The following FAM53B variants were observed in gnomAD, a reference collection of about 807,000 sequenced individuals.
The protein encoded by FAM53B is protein FAM53B.
In FAM53B, 12 loss-of-function variants were observed where a neutral mutation model predicts 32.7. That is an observed-to-expected ratio of 0.37 (90% CI 0.24 to 0.59). The LOEUF (loss-of-function observed/expected upper bound fraction) is 0.59. Among genes scored for constraint, FAM53B ranks in the 20% least tolerant of loss-of-function variants. The pLI, the probability that FAM53B is intolerant of heterozygous loss-of-function variation, is 0.72. For missense variants in FAM53B, 477 were observed against 577.7 expected (o/e 0.83, Z 1.79); for synonymous variants, 234 against 228.7 (o/e 1.02, Z -0.21).
chr10:124,631,780 T>C (rs1188531786), intron 4 of FAM53B, among the ~76,000 whole-genome samples: 2 of 152,072 alleles, frequency 1.3e-5, no homozygotes, highest in African/African-American at 2.4e-5. Flanking sequence ...AGCACCATCC[T>C]GACGGCCCCG....
intron 4 of FAM53B, among the ~76,000 whole-genome samples, chr10:124,654,730 G>A (rs1949576591): frequency 6.6e-6 from 1 of 152,126 alleles, no homozygotes; most frequent in African/African-American, 2.4e-5. Flanking sequence ...TTGTGGGTAG[G>A]GCTGTAGGTG....
intron 2 of FAM53B, chr10:124,705,792 G>C (rs1273991449): frequency 6.6e-6 from 1 of 152,328 alleles, no homozygotes; most frequent in Non-Finnish European, 1.5e-5. Context: ...GGTTTCACTG[G>C]CATGAGCTAG....
intron 2 of FAM53B, among the ~76,000 whole-genome samples, chr10:124,699,927 C>T (rs892259394): frequency 6.6e-6 from 1 of 152,238 alleles, no homozygotes; most frequent in African/African-American, 2.4e-5. Flanking sequence ...TCCAGCCCTG[C>T]GAGCTCGCCC....
At chr10:124,726,458 C>T (rs1246852492) in intron 1 of FAM53B, among the ~76,000 whole-genome samples, 1 of 152,160 alleles carries the variant, frequency 6.6e-6, no homozygotes, top group Non-Finnish European at 1.5e-5. Context: ...TGCACAATGC[C>T]CTGACCAGTA....
chr10:124,700,871 G>T (rs770045231), intron 2 of FAM53B, among the ~76,000 whole-genome samples: 6 of 152,224 alleles, frequency 3.9e-5, no homozygotes, highest in Admixed American at 6.5e-5. Flanking sequence ...TGCCCTGCGG[G>T]GGAACGAGTG....
At chr10:124,709,810 T>G (rs1949988182) in intron 1 of FAM53B, among the ~76,000 whole-genome samples, 1 of 149,812 alleles carries the variant, frequency 6.7e-6, no homozygotes, top group Non-Finnish European at 1.5e-5. Flanking sequence ...TCCACTAGCC[T>G]GAGTGACAGA....
At chr10:124,683,041 T>C (rs892532129) in intron 3 of FAM53B, among the ~76,000 whole-genome samples, 2 of 152,254 alleles carry the variant, frequency 1.3e-5, no homozygotes, top group African/African-American at 4.8e-5. Context: ...ACTTTCTCTG[T>C]GTTCACTCGA....
At chr10:124,636,856 C>T (rs1589732797) in intron 4 of FAM53B, among the ~76,000 whole-genome samples, 2 of 151,914 alleles carry the variant, frequency 1.3e-5, no homozygotes, top group East Asian at 2.0e-4. Flanking sequence ...GCCCCGCTCC[C>T]ACTGGCCGTG....
intron 4 of FAM53B, among the ~76,000 whole-genome samples, chr10:124,661,894 C>G (rs1949633344): frequency 6.6e-6 from 1 of 152,232 alleles, no homozygotes; most frequent in African/African-American, 2.4e-5. Flanking sequence ...CCAGAGCAAG[C>G]TCCCTAGATG....
At chr10:124,635,144 G>A (rs1443416895) in intron 4 of FAM53B, among the ~76,000 whole-genome samples, 1 of 152,152 alleles carries the variant, frequency 6.6e-6, no homozygotes, top group African/African-American at 2.4e-5. Context: ...CCAGGCTGGA[G>A]TGCAGTGGCA....
At chr10:124,676,334 C>G (rs1280716269) in intron 4 of FAM53B, among the ~76,000 whole-genome samples, 2 of 152,210 alleles carry the variant, frequency 1.3e-5, no homozygotes, top group East Asian at 3.8e-4. Context: ...GCCGTCAGCA[C>G]AGCTTCCCAC....
chr10:124,641,854 T>C (rs905977528), intron 4 of FAM53B, among the ~76,000 whole-genome samples: 3 of 152,194 alleles, frequency 2.0e-5, no homozygotes, highest in East Asian at 1.9e-4. Flanking sequence ...TGCTGGGCAC[T>C]GCGAAAGGAA....
At chr10:124,639,722 C>G (rs1009088059) in intron 4 of FAM53B, among the ~76,000 whole-genome samples, 1 of 152,106 alleles carries the variant, frequency 6.6e-6, no homozygotes, top group African/African-American at 2.4e-5. Context: ...TGTTTAAATG[C>G]TTGGCAGAAT....
Position 124,631,244 on chromosome 10 carries a change from C to T in FAM53B, c.907-7640G>A, listed in dbSNP as rs569029424. 3.9e-5 allele frequency among the ~76,000 whole-genome samples: 6 copies of T among 152,312 alleles called. No individual in the cohort carries two copies. In the South Asian group the frequency reaches 6.2e-4, roughly 16 times the overall value. On this transcript the variant is annotated intron_variant, in intron 4 of 4. Transcript: ENST00000337318. Reference sequence around the variant, plus strand: ...CAGTGTAGCCTTGCCTACGGTAACTCGAGGCCTAGGACCCAGCTGGGGACA... The same window carrying T: ...CAGTGTAGCCTTGCCTACGGTAACTTGAGGCCTAGGACCCAGCTGGGGACA...
chr10:124,678,705 T>C (rs190830125), intron 4 of FAM53B, among the ~76,000 whole-genome samples: 217 of 152,346 alleles, frequency 1.4e-3, no homozygotes, highest in African/African-American at 5.0e-3. Flanking sequence ...CACTTGCTCC[T>C]GCTGAACTCA....
intron 4 of FAM53B, among the ~76,000 whole-genome samples, chr10:124,677,562 C>T (rs151111616): frequency 1.1e-3 from 173 of 152,372 alleles, no homozygotes; most frequent in Middle Eastern, 3.4e-3. Flanking sequence ...TAGGTCCTTG[C>T]GTCATTTCCC....
chr10:124,718,854 C>G (rs554134705), intron 1 of FAM53B, among the ~76,000 whole-genome samples: 1 of 152,306 alleles, frequency 6.6e-6, no homozygotes, highest in Admixed American at 6.5e-5. Context: ...TCAAGACCAG[C>G]TGGGCAACAT....
chr10:124,703,862 C>T (rs1410088742), intron 2 of FAM53B: 1 of 152,434 alleles, frequency 6.6e-6, no homozygotes, highest in Non-Finnish European at 1.5e-5. Context: ...AGCAAAGCCG[C>T]CTGCTCTCCC....
In FAM53B at chr10:124,706,747, G is replaced by A. The variant is rs373408790; in HGVS notation, c.-34C>T. 6.9e-5 allele frequency: 112 copies of A among 1,613,900 alleles called. No homozygotes were observed. The African/African-American group carries it at 1.4e-3, about 20-fold the overall frequency. On this transcript the variant is annotated 5_prime_UTR_variant, in exon 2 of 5. Transcript: ENST00000337318. ...CCTCAGGCGCTGGGCTCCATCCCAGGGTGGGTATCAGCCATCTTCACTTGG... is the reference window on the plus strand; with the variant it reads ...CCTCAGGCGCTGGGCTCCATCCCAGAGTGGGTATCAGCCATCTTCACTTGG...
Sources: allele counts gnomAD v4.1 joint callset (sites outside exome capture counted in the v4.1 genomes callset), GRCh38; gene constraint gnomAD v4.1.1; transcripts MANE v1.5; gene names NCBI Gene and HGNC (gene_info 2026-07-23, HGNC 2026-07-21).